Variants in GCH1 observed in about 807,000 individuals in gnomAD.
GCH1 encodes the protein GTP cyclohydrolase I.
In GCH1, 5 loss-of-function variants were observed where a neutral mutation model predicts 25.9. That is an observed-to-expected ratio of 0.19 (90% CI 0.10 to 0.41). The LOEUF (loss-of-function observed/expected upper bound fraction) is 0.41. Ranked by LOEUF, GCH1 falls within the 10% of genes least tolerant of loss-of-function variation. The pLI, the probability that GCH1 is intolerant of heterozygous loss-of-function variation, is 1.00. For synonymous variants in GCH1, 159 were observed against 129.6 expected, an observed-to-expected ratio of 1.23 and a Z score of -1.54; for missense variants, 261 against 336.5, an observed-to-expected ratio of 0.78 and a Z score of 1.75.
At chr14:54,865,070 C>A (rs1177040080) in intron 2 of GCH1, among the ~76,000 whole-genome samples, 4 of 150,608 alleles carry the variant, frequency 2.7e-5, no homozygotes, top group Non-Finnish European at 5.9e-5. Flanking sequence ...GAGAGAGATG[C>A]TACTTAAACC....
At chr14:54,867,998 A>C (rs185831883) in intron 1 of GCH1, among the ~76,000 whole-genome samples, 4 of 152,350 alleles carry the variant, frequency 2.6e-5, no homozygotes, top group African/African-American at 9.6e-5. Flanking sequence ...GACATCAGGT[A>C]GCTCCTGATA....
chr14:54,842,865 T>C lies in GCH1; in HGVS notation c.*1152A>G, dbSNP rs1024244931. On this transcript the variant is annotated 3_prime_UTR_variant, in exon 6 of 6. Coordinates refer to ENST00000491895, the MANE Select transcript of GCH1 (RefSeq NM_000161.3). ...AGGATTAAAATACCTATACCATCTATACGGAGTTACAATGAGGACAAGACC... is the reference window on the plus strand; with the variant it reads ...AGGATTAAAATACCTATACCATCTACACGGAGTTACAATGAGGACAAGACC... 3 of 482,762 alleles carry C rather than the reference T, an allele frequency of 6.2e-6. No homozygotes were observed. The highest frequency in any genetic ancestry group is 1.1e-5 in the Non-Finnish European group (3 of 267,932). The allele number at this position is 482,762 out of a possible 1,614,324, so 29.9% of individuals were successfully genotyped here.
intron 3 of GCH1, among the ~76,000 whole-genome samples, chr14:54,847,632 C>T (rs372404560): frequency 7.1e-4 from 107 of 151,674 alleles, no homozygotes; most frequent in African/African-American, 2.4e-3. Flanking sequence ...TGGGACCCTG[C>T]GATCATGTAA....
intron 1 of GCH1, among the ~76,000 whole-genome samples, chr14:54,901,303 C>T (rs962982089): frequency 1.3e-5 from 2 of 152,196 alleles, no homozygotes; most frequent in Admixed American, 1.3e-4. Context: ...GTCACCAAGA[C>T]ACACGGAAGG....
At chr14:54,893,813 C>T (rs994545664) in intron 1 of GCH1, among the ~76,000 whole-genome samples, 4 of 152,226 alleles carry the variant, frequency 2.6e-5, no homozygotes, top group Non-Finnish European at 4.4e-5. Flanking sequence ...CATCAGTCGG[C>T]TTAAGCATCG....
intron 2 of GCH1, among the ~76,000 whole-genome samples, chr14:54,861,813 G>A (rs2039901223): frequency 6.6e-6 from 1 of 152,048 alleles, no homozygotes; most frequent in South Asian, 2.1e-4. Context: ...AAAGTAACAG[G>A]ATAAAATGGT....
chr14:54,853,521 A>C (rs1406354460), intron 3 of GCH1, among the ~76,000 whole-genome samples: 1 of 152,210 alleles, frequency 6.6e-6, no homozygotes, highest in African/African-American at 2.4e-5. Context: ...CCGAAAGTGT[A>C]AAATGTACAT....
intron 1 of GCH1, among the ~76,000 whole-genome samples, chr14:54,868,367 T>C (rs981062801): frequency 7.2e-5 from 11 of 152,012 alleles, no homozygotes; most frequent in Admixed American, 3.9e-4. Context: ...CAATGAGCTA[T>C]GATTGCACCA....
Position 54,870,504 on chromosome 14 carries a change from C to A in GCH1, c.344-5068G>T, listed in dbSNP as rs2040056382. Among the ~76,000 whole-genome samples, 2 of 152,096 alleles carry A rather than the reference C, an allele frequency of 1.3e-5. 1 individual carries two copies. The highest frequency in any genetic ancestry group is 4.1e-4 in the South Asian group (2 of 4,820). On this transcript the variant is annotated intron_variant, in intron 1 of 5. Coordinates refer to ENST00000491895, the MANE Select transcript of GCH1 (RefSeq NM_000161.3). Reference sequence around the variant, plus strand: ...ACTGGGGAGTGTCGGACAGTGGGTGCAGGACAGGGGGTGCAGCGCACCCAG... The same window carrying A: ...ACTGGGGAGTGTCGGACAGTGGGTGAAGGACAGGGGGTGCAGCGCACCCAG...
chr14:54,890,924 C>T (rs927932758), intron 1 of GCH1, among the ~76,000 whole-genome samples: 3 of 152,160 alleles, frequency 2.0e-5, no homozygotes, highest in African/African-American at 2.4e-5. Flanking sequence ...CTACACAGAA[C>T]CCCTTTACTC....
In GCH1 at chr14:54,843,531, A is replaced by G. The variant is rs1594967801; in HGVS notation, c.*486T>C. The G allele has an allele frequency of 3.7e-6, 5 of 1,338,528 alleles. No homozygotes were observed. The highest frequency in any genetic ancestry group is 4.8e-6 in the Non-Finnish European group (5 of 1,046,298). The allele number at this position is 1,338,528 out of a possible 1,614,324, so 82.9% of individuals were successfully genotyped here. On this transcript the variant is annotated 3_prime_UTR_variant, in exon 6 of 6. Transcript: ENST00000491895. The stretch of plus-strand genomic sequence containing the variant: ...AAATGTCACTGGTGGTTTAATAAAC[A>G]TGACCAAAGTGAAGTCTGTTGAACT...
intron 1 of GCH1, among the ~76,000 whole-genome samples, chr14:54,873,863 A>C (rs2040117773): frequency 6.6e-6 from 1 of 152,230 alleles, no homozygotes; most frequent in Non-Finnish European, 1.5e-5. Context: ...ATAGCCTACC[A>C]ACCAAAAAAA....
intron 4 of GCH1, 48 bp downstream of exon 4, chr14:54,847,050 AG>A (rs757741459): frequency 1.3e-6 from 1 of 753,784 alleles, no homozygotes; most frequent in Admixed American, 2.6e-5. Context: ...ATTTAAAAAA[AG>A]AAAAAAAAGA....
At chr14:54,878,429 A>T (rs551765283) in intron 1 of GCH1, among the ~76,000 whole-genome samples, 2 of 152,286 alleles carry the variant, frequency 1.3e-5, no homozygotes, top group African/African-American at 4.8e-5. Context: ...AGGGCATCAC[A>T]CCTCTGCTTT....
intron 2 of GCH1, among the ~76,000 whole-genome samples, chr14:54,864,722 G>A (rs2039966456): frequency 6.6e-6 from 1 of 152,126 alleles, no homozygotes; most frequent in Non-Finnish European, 1.5e-5. Flanking sequence ...TCAGCCTCTG[G>A]ATTTCCTGTA....
At chr14:54,861,000 G>C (rs958107306) in intron 2 of GCH1, among the ~76,000 whole-genome samples, 4 of 152,184 alleles carry the variant, frequency 2.6e-5, no homozygotes, top group African/African-American at 9.7e-5. Flanking sequence ...CTCTTTTGGG[G>C]CCAAATACTA....
intron 4 of GCH1, among the ~76,000 whole-genome samples, chr14:54,846,482 G>A (rs2140042696): frequency 6.6e-6 from 1 of 152,242 alleles, no homozygotes; most frequent in East Asian, 1.9e-4. Flanking sequence ...TAGTTACATG[G>A]ATGTGGCAAA....
chr14:54,901,569 T>G (rs1222730327), intron 1 of GCH1, among the ~76,000 whole-genome samples: 1 of 152,102 alleles, frequency 6.6e-6, no homozygotes, highest in African/African-American at 2.4e-5. Flanking sequence ...GGGATGAGAC[T>G]GAGTCCTGGA....
At chr14:54,885,398 A>G in intron 1 of GCH1, 1 of 247,618 alleles carries the variant, frequency 4.0e-6, no homozygotes, top group South Asian at 5.5e-5. Flanking sequence ...GTCTAATAGG[A>G]ACTCCACAGG....
Sources: allele counts gnomAD v4.1 joint callset (sites outside exome capture counted in the v4.1 genomes callset), GRCh38; gene constraint gnomAD v4.1.1; transcripts MANE v1.5; gene names NCBI Gene and HGNC (gene_info 2026-07-23, HGNC 2026-07-21).